The following MAPT variants were observed in gnomAD, a reference collection of about 807,000 sequenced individuals.
MAPT encodes microtubule associated protein tau, also known as microtubule-associated protein tau.
In MAPT, 34 loss-of-function variants were observed where a neutral mutation model predicts 67.9. The ratio of observed to expected loss-of-function variants is 0.50; its 90% CI spans 0.38 to 0.67. The LOEUF is 0.67. MAPT is among the 30% of genes least tolerant of loss of function. The pLI is 0.00. For synonymous variants in MAPT, 456 were observed against 464.5 expected (o/e 0.98, Z 0.23); for missense variants, 881 against 1,115.2 (o/e 0.79, Z 2.99).
rs370131551 is a variant in MAPT, at chr17:45,971,902, G to C, written c.177G>C (p.Pro59=). The C allele has an allele frequency of 1.2e-6, 2 of 1,613,966 alleles. No homozygotes were observed. Among genetic ancestry groups the C allele is most frequent in the Non-Finnish European group, 1.7e-6 (2 of 1,180,034 alleles). The change falls in exon 3 of 13, where the codon CCG becomes CCC. Residue 59 remains proline (P), a synonymous_variant. Transcript: ENST00000262410. This position sits in a 1 kb window ranked among gnomAD's most constrained non-coding sequence, Gnocchi z 4.3. ...QTPTEDGSEE[P]GSETSDAKST... ...CCACTGAGGACGGATCTGAGGAACC[G>C]GGCTCTGAAACCTCTGATGCTAAGA...
chr17:45,972,247 C>T (rs907111045), intron 3 of MAPT, among the ~76,000 whole-genome samples: 1 of 152,226 alleles, frequency 6.6e-6, no homozygotes, highest in African/African-American at 2.4e-5. Flanking sequence ...CAAAAGCCCC[C>T]TCCTCTCTCT....
At chr17:45,990,873 G>A (rs1393918970) in intron 7 of MAPT, among the ~76,000 whole-genome samples, 3 of 152,168 alleles carry the variant, frequency 2.0e-5, no homozygotes, top group Non-Finnish European at 2.9e-5. Context: ...TGCCATGCCC[G>A]ACTCTGCCAG....
chr17:45,951,412 G>A (rs998793485), intron 1 of MAPT, among the ~76,000 whole-genome samples: 11 of 152,130 alleles, frequency 7.2e-5, no homozygotes, highest in African/African-American at 2.2e-4. Context: ...TATGGGTAGC[G>A]GCAGCAGTGA....
chr17:45,929,869 CTTTG>C (rs1439782040), intron 1 of MAPT, among the ~76,000 whole-genome samples: 2 of 152,062 alleles, frequency 1.3e-5, no homozygotes, highest in East Asian at 1.9e-4. Context: ...TGCTGTTAAC[CTTTG>C]TTTGCTGTTA....
At chr17:45,959,519 C>G (rs1419760695) in intron 1 of MAPT, among the ~76,000 whole-genome samples, 2 of 152,136 alleles carry the variant, frequency 1.3e-5, no homozygotes, top group Non-Finnish European at 1.5e-5. Context: ...ATTCTATGGA[C>G]AAAGTCAGCC....
intron 8 of MAPT, chr17:45,993,997 G>A (rs777766648): frequency 1.5e-5 from 23 of 1,554,626 alleles, no homozygotes; most frequent in Admixed American, 3.9e-5. Context: ...AGCCTACTTC[G>A]CTGGGAGCAG....
Position 45,949,582 on chromosome 17 carries a change from G to C in MAPT, c.-17-12739G>C, listed in dbSNP as rs1018438388. ...TAAAAAGGTTTCTGAACGTCTCTGAGCTTCAGTTTCCTCATCATTCCTTCT... is the reference window on the plus strand; with the variant it reads ...TAAAAAGGTTTCTGAACGTCTCTGACCTTCAGTTTCCTCATCATTCCTTCT... On this transcript the variant is annotated intron_variant, in intron 1 of 12. Transcript: ENST00000262410. Among the ~76,000 whole-genome samples the C allele has an allele frequency of 3.3e-5, 5 of 152,190 alleles. No individual in the cohort carries two copies. The South Asian group carries it at 8.3e-4, about 25-fold the overall frequency.
At chr17:45,953,806 G>A (rs889267587) in intron 1 of MAPT, among the ~76,000 whole-genome samples, 5 of 152,138 alleles carry the variant, frequency 3.3e-5, no homozygotes, top group African/African-American at 1.2e-4. Context: ...TACCCTGAGC[G>A]AGCATCCCCA....
At chr17:46,003,749 G>A (rs533571428) in intron 9 of MAPT, among the ~76,000 whole-genome samples, 4 of 152,256 alleles carry the variant, frequency 2.6e-5, no homozygotes, top group South Asian at 4.1e-4. Flanking sequence ...AGACCCCACA[G>A]TAAGTGGGGG....
At chr17:45,952,504 A>C (rs2069184235) in intron 1 of MAPT, among the ~76,000 whole-genome samples, 1 of 152,146 alleles carries the variant, frequency 6.6e-6, no homozygotes, top group Non-Finnish European at 1.5e-5. Flanking sequence ...AAAAATTTAG[A>C]CTGGGTGCTG....
At chr17:45,941,653 TCCAC>T (rs2067902033) in intron 1 of MAPT, among the ~76,000 whole-genome samples, 2 of 97,096 alleles carry the variant, frequency 2.1e-5, no homozygotes, top group African/African-American at 4.6e-5. Context: ...CTTCCCCCCT[TCCAC>T]CCTTCCCCCC....
chr17:45,950,474 C>T (rs977918709), intron 1 of MAPT, among the ~76,000 whole-genome samples: 1 of 151,484 alleles, frequency 6.6e-6, no homozygotes, highest in Admixed American at 6.6e-5. Flanking sequence ...TTGGAGGCCC[C>T]AGCCTTGGCA....
chr17:45,996,775 G>A lies in MAPT; in HGVS notation c.1998+111G>A, dbSNP rs905524283. 31 of 1,449,520 alleles carry A rather than the reference G, an allele frequency of 2.1e-5. No individual in the cohort carries two copies. In the South Asian group the frequency reaches 2.9e-4, roughly 14 times the overall value. The allele number at this position is 1,449,520 out of a possible 1,614,324, so 89.8% of individuals were successfully genotyped here. A position where few individuals can be genotyped will look rare whatever the true frequency, so the allele number is the denominator to read the frequency against. ...GAGGTGCGCGGTTGAGCGTGGAGTC[G>A]TGGGACTGTGCATGGAGGTGTGGGG... is the stretch of plus-strand genomic sequence containing the variant. On this transcript the variant is annotated intron_variant, in intron 9 of 12. Transcript: ENST00000262410. This position sits in a 1 kb window ranked among gnomAD's most constrained non-coding sequence, Gnocchi z 4.5.
Position 45,933,832 on chromosome 17 carries a change from GT to G in MAPT, c.-17-28485del, listed in dbSNP as rs541483367. Among the ~76,000 whole-genome samples, 422 of 112,438 alleles carry G rather than the reference GT, an allele frequency of 3.8e-3. 2 individuals are homozygous for G. Among genetic ancestry groups the G allele is most frequent in the Non-Finnish European group, 5.0e-3 (284 of 57,034 alleles). The allele number at this position is 112,438 out of a possible 152,430, so 73.8% of individuals were successfully genotyped here. A position where few individuals can be genotyped will look rare whatever the true frequency, so the allele number is the denominator to read the frequency against. ...TCCACGTGTCTTTGCACATTGAAAT[GT>G]TTTCTGATTTTTTTTTTTTTTTTTT... On this transcript the variant is annotated intron_variant, in intron 1 of 12. Coordinates refer to ENST00000262410, the MANE Select transcript of MAPT (RefSeq NM_001377265.1).
intron 10 of MAPT, among the ~76,000 whole-genome samples, chr17:46,013,319 G>A (rs12150515): frequency 6.6e-6 from 1 of 152,154 alleles, no homozygotes; most frequent in African/African-American, 2.4e-5. Flanking sequence ...AGCCATGGCT[G>A]CATAGAGGCC....
intron 1 of MAPT, among the ~76,000 whole-genome samples, chr17:45,960,250 A>C (rs2070235808): frequency 6.6e-6 from 1 of 152,250 alleles, no homozygotes; most frequent in Admixed American, 6.5e-5. Context: ...ATTTTTCACG[A>C]AGCAGTGGCA....
intron 9 of MAPT, among the ~76,000 whole-genome samples, chr17:46,009,730 G>C (rs1469635301): frequency 6.6e-6 from 1 of 152,184 alleles, no homozygotes; most frequent in Non-Finnish European, 1.5e-5. Flanking sequence ...AATCACCAGG[G>C]GAACTTTTCA....
intron 8 of MAPT, among the ~76,000 whole-genome samples, chr17:45,993,194 C>T (rs2074214121): frequency 6.6e-6 from 1 of 152,228 alleles, no homozygotes; most frequent in Non-Finnish European, 1.5e-5. Context: ...TTTGCGGTGG[C>T]ATTTCTCGCA....
chr17:45,985,503 T>G (rs2073448788), intron 5 of MAPT: 1 of 171,702 alleles, frequency 5.8e-6, no homozygotes, highest in Non-Finnish European at 1.2e-5. Context: ...GCCCAGTGAC[T>G]GGGGGAAAAA....
Sources: allele counts gnomAD v4.1 joint callset (sites outside exome capture counted in the v4.1 genomes callset), GRCh38; gene constraint gnomAD v4.1.1; non-coding constraint Gnocchi (gnomAD v3.1); transcripts MANE v1.5; gene names NCBI Gene and HGNC (gene_info 2026-07-23, HGNC 2026-07-21).